SEMA4F: variants seen among roughly 807,000 people sequenced by gnomAD.
SEMA4F encodes the protein semaphorin-4F.
Under a neutral mutation model 78.4 loss-of-function variants are expected in SEMA4F, and 51 were observed. The observed-to-expected ratio is 0.65, with a 90% CI of 0.52 to 0.82. The LOEUF (loss-of-function observed/expected upper bound fraction) is 0.82. Ranked by LOEUF, SEMA4F falls within the 40% of genes least tolerant of loss-of-function variation. The pLI, the probability that SEMA4F is intolerant of heterozygous loss-of-function variation, is 0.00. For missense variants in SEMA4F, 938 were observed against 1,014.4 expected (o/e 0.92, Z 1.02); for synonymous variants, 418 against 408.7 (o/e 1.02, Z -0.27).
In SEMA4F at chr2:74,664,327, CAT is replaced by C. The variant is rs1230155517; in HGVS notation, c.550+1503_550+1504del. Among the ~76,000 whole-genome samples the C allele has an allele frequency of 2.6e-5, 4 of 152,188 alleles. No individual in the cohort carries two copies. In the East Asian group the frequency reaches 7.7e-4, roughly 29 times the overall value. On this transcript the variant is annotated intron_variant, in intron 5 of 13. Transcript: ENST00000357877. ...TCATTGTAAAGATAATGTTTAATGA[CAT>C]GTTACTCATTCTGCTAACCTACCAT...
rs756048389 is a variant in SEMA4F, at chr2:74,656,518, C to G, written c.146-16C>G. The G allele has an allele frequency of 3.1e-6, 5 of 1,611,198 alleles. No individual in the cohort carries two copies. The South Asian group carries it at 5.5e-5, about 18-fold the overall frequency. ...AGGAAGCGATGGCTAACATCACTCTCCTCTCTTCCTGCCAGAGGCTGACTC... is the reference window on the plus strand; with the variant it reads ...AGGAAGCGATGGCTAACATCACTCTGCTCTCTTCCTGCCAGAGGCTGACTC... On this transcript the variant is annotated splice_polypyrimidine_tract_variant and intron_variant, in intron 1 of 13. Coordinates refer to ENST00000357877, the MANE Select transcript of SEMA4F (RefSeq NM_004263.5).
chr2:74,697,476 G>A, the SEMA4F span, among the ~76,000 whole-genome samples: 88 of 152,250 alleles, frequency 5.8e-4, no homozygotes, highest in Non-Finnish European at 1.0e-3. Context: ...TATGACTTCC[G>A]CTTGACAGAT....
intron 5 of SEMA4F, among the ~76,000 whole-genome samples, chr2:74,669,798 T>A (rs363607): frequency 0.38 from 58,176 of 152,078 alleles, 17,856 homozygotes; most frequent in East Asian, 0.83. Flanking sequence ...CTATTTTTAC[T>A]CATAATTATG....
At chr2:74,690,288 T>A in the SEMA4F span, among the ~76,000 whole-genome samples, 3 of 152,348 alleles carry the variant, frequency 2.0e-5, no homozygotes, top group South Asian at 6.2e-4. Flanking sequence ...TGTTATAAAA[T>A]TGTGTGGCAT....
At chr2:74,707,427 C>T in the SEMA4F span, among the ~76,000 whole-genome samples, 173 of 151,408 alleles carry the variant, frequency 1.1e-3, no homozygotes, top group Non-Finnish European at 2.1e-3. Context: ...AAAATATTAA[C>T]GACTGGTAAA....
In SEMA4F at chr2:74,673,781, G is replaced by A. The variant is rs756753087; in HGVS notation, c.775G>A (p.Asp259Asn). ...CTTTACGGAGACTTCCCGAGCATTT[G>A]ACTCATACGAGCGCATTAAAGTCCC... is the stretch of plus-strand genomic sequence containing the variant. Reference protein sequence around the residue: ...FFFTETSRAFDSYERIKVPRV... With the variant: ...FFFTETSRAFNSYERIKVPRV... The change falls in exon 7 of 14, where the codon GAC (aspartate) becomes AAC (asparagine). Residue 259 changes from aspartate to asparagine, a missense_variant. By Grantham distance (23) the Asp-to-Asn change is conservative (BLOSUM62 1). Coordinates refer to ENST00000357877, the MANE Select transcript of SEMA4F (RefSeq NM_004263.5). The A allele has an allele frequency of 6.2e-7, 1 of 1,614,226 alleles. No individual in the cohort carries two copies. Among genetic ancestry groups the A allele is most frequent in the Non-Finnish European group, 8.5e-7 (1 of 1,180,048 alleles).
intron 2 of SEMA4F, 114 bp downstream of exon 2, chr2:74,656,799 G>A (rs189631973): frequency 1.7e-6 from 2 of 1,168,482 alleles, no homozygotes; most frequent in East Asian, 4.8e-5. Context: ...AGCAGGGGTA[G>A]TAGGAGGGGG....
At chr2:74,694,555 T>C in the SEMA4F span, among the ~76,000 whole-genome samples, 5 of 152,194 alleles carry the variant, frequency 3.3e-5, no homozygotes, top group Non-Finnish European at 7.4e-5. Flanking sequence ...TCCCCCAGCG[T>C]TCCTATTCCC....
the SEMA4F span, among the ~76,000 whole-genome samples, chr2:74,693,908 A>C: frequency 6.6e-6 from 1 of 152,124 alleles, no homozygotes; most frequent in African/African-American, 2.4e-5. Flanking sequence ...TGCTGCAGTA[A>C]GCAACCCCAT....
chr2:74,697,136 C>T, the SEMA4F span, among the ~76,000 whole-genome samples: 1 of 152,358 alleles, frequency 6.6e-6, no homozygotes, highest in Admixed American at 6.5e-5. Flanking sequence ...TGTCTACCCA[C>T]AGCTAGAGTT....
rs1394180399 is a variant in SEMA4F, at chr2:74,656,701, G to A, written c.297+16G>A. The A allele has an allele frequency of 2.5e-6, 4 of 1,613,810 alleles. No homozygotes were observed. Among genetic ancestry groups the A allele is most frequent in the South Asian group, 1.1e-5 (1 of 91,060 alleles). On this transcript the variant is annotated intron_variant, in intron 2 of 13. Coordinates refer to ENST00000357877, the MANE Select transcript of SEMA4F (RefSeq NM_004263.5). ...ACCCCGCAGGGTGAGAGACAAGAGA[G>A]GGAAGGACCCCTGACCCTGTAGCAT...
chr2:74,692,970 G>C, the SEMA4F span, among the ~76,000 whole-genome samples: 1 of 152,180 alleles, frequency 6.6e-6, no homozygotes, highest in Non-Finnish European at 1.5e-5. Flanking sequence ...AAGCATTTAG[G>C]ACATGCTGAA....
downstream of SEMA4F, among the ~76,000 whole-genome samples, chr2:74,686,579 G>A (rs1293341732): frequency 6.6e-6 from 1 of 152,190 alleles, no homozygotes; most frequent in Admixed American, 6.5e-5. Flanking sequence ...ACGTGCACAC[G>A]TATGTTTATT....
At chr2:74,685,542 G>A (rs1280904150), downstream of SEMA4F, among the ~76,000 whole-genome samples, 2 of 152,020 alleles carry the variant, frequency 1.3e-5, no homozygotes, top group Non-Finnish European at 2.9e-5. Flanking sequence ...GAATCCCAGG[G>A]AAGGAGTCTG....
In SEMA4F at chr2:74,679,745, G is replaced by A. The variant is rs1360031624; in HGVS notation, c.1849G>A (p.Val617Met). The change falls in exon 14 of 14, where the codon GTG becomes ATG. Residue 617 changes from valine to methionine, a missense_variant. Physicochemically the swap from Val to Met is conservative, Grantham distance 21. Transcript: ENST00000357877. ...CCCCCGGCGGGATGGACTGGAGGTGGTGGTGACCCCAGGGGCCATGGGCGC... is the reference window on the plus strand; with the variant it reads ...CCCCCGGCGGGATGGACTGGAGGTGATGGTGACCCCAGGGGCCATGGGCGC... ...LTPRRDGLEV[V>M]VTPGAMGAYA... 1 of 1,614,196 alleles carries A rather than the reference G, an allele frequency of 6.2e-7. No homozygotes were observed. Among genetic ancestry groups the A allele is most frequent in the Non-Finnish European group, 8.5e-7 (1 of 1,180,030 alleles).
chr2:74,675,448 A>G, intron 10 of SEMA4F, 64 bp downstream of exon 10: 1 of 1,587,524 alleles, frequency 6.3e-7, no homozygotes, highest in Non-Finnish European at 8.7e-7. Context: ...CAGAGAGGGT[A>G]CTGTAATACA....
intron 5 of SEMA4F, among the ~76,000 whole-genome samples, chr2:74,671,772 C>G (rs1289444184): frequency 6.6e-6 from 1 of 152,134 alleles, no homozygotes; most frequent in African/African-American, 2.4e-5. Flanking sequence ...TTTTATGGGC[C>G]TTATTCTATC....
At chr2:74,670,666 A>G (rs906302415) in intron 5 of SEMA4F, among the ~76,000 whole-genome samples, 3 of 152,230 alleles carry the variant, frequency 2.0e-5, no homozygotes, top group Non-Finnish European at 4.4e-5. Flanking sequence ...TAGGGTATCC[A>G]TGACACGGCT....
intron 5 of SEMA4F, among the ~76,000 whole-genome samples, chr2:74,672,833 A>G (rs1236732168): frequency 6.6e-6 from 1 of 152,058 alleles, no homozygotes; most frequent in Non-Finnish European, 1.5e-5. Context: ...TATCTCTCAA[A>G]GTGAGGTCCT....
Sources: allele counts gnomAD v4.1 joint callset (sites outside exome capture counted in the v4.1 genomes callset), GRCh38; gene constraint gnomAD v4.1.1; transcripts MANE v1.5; gene names NCBI Gene and HGNC (gene_info 2026-07-23, HGNC 2026-07-21).